The following ITPRID2 variants were observed in gnomAD, a reference collection of about 807,000 sequenced individuals.
The protein encoded by ITPRID2 is protein ITPRID2.
Under a neutral mutation model 124.3 loss-of-function variants are expected in ITPRID2, and 60 were observed. The observed-to-expected ratio is 0.48, with a 90% CI of 0.39 to 0.60. The LOEUF (loss-of-function observed/expected upper bound fraction) is 0.60. ITPRID2 is among the 20% of genes least tolerant of loss of function. ITPRID2 has a pLI of 0.00. For missense variants in ITPRID2, 1,553 were observed against 1,512.2 expected, an observed-to-expected ratio of 1.03 and a Z score of -0.45; for synonymous variants, 521 against 542.9, an observed-to-expected ratio of 0.96 and a Z score of 0.56.
In ITPRID2 at chr2:181,922,072, A is replaced by G; in HGVS notation, c.3335A>G (p.Glu1112Gly). The change falls in exon 16 of 18, where the codon GAA becomes GGA. Residue 1112 changes from glutamate to glycine, a missense_variant. Coordinates refer to ENST00000431877, the MANE Select transcript of ITPRID2 (RefSeq NM_001130445.3). ...SESVFSQATSESSSVCSGPSH... is the reference protein window; with the variant it reads ...SESVFSQATSGSSSVCSGPSH... ...TCTGTTTTTTCCCAAGCAACATCAG[A>G]ATCATCTTCTGTATGTTCTGGTCCC... The G allele has an allele frequency of 6.2e-7, 1 of 1,614,252 alleles. No homozygotes were observed. Among genetic ancestry groups the G allele is most frequent in the Non-Finnish European group, 8.5e-7 (1 of 1,180,048 alleles).
intron 11 of ITPRID2, chr2:181,917,676 C>T (rs978193640): frequency 1.3e-5 from 2 of 152,446 alleles, no homozygotes; most frequent in African/African-American, 2.4e-5. Context: ...GATGTGGTCT[C>T]TGACTATCTC....
intron 2 of ITPRID2, chr2:181,893,423 C>T (rs1449007575): frequency 2.0e-5 from 3 of 152,080 alleles, no homozygotes; most frequent in African/African-American, 7.2e-5. Context: ...TTTTTGCTTT[C>T]TCAATTTAGA....
At position 181,905,932 on chromosome 2, in the gene ITPRID2, T is replaced by C. The variant is rs1225677413; in HGVS notation, c.1413+3466T>C. On this transcript the variant is annotated intron_variant, in intron 8 of 17. Coordinates refer to ENST00000431877, the MANE Select transcript of ITPRID2 (RefSeq NM_001130445.3). The surrounding 1 kb of genome is among the most constrained non-coding windows in gnomAD (Gnocchi z 4.1). ...CTGCCCTGGAATATGAACTCTAACATATGACATGCACAGATATCTGCTACT... is the reference window on the plus strand; with the variant it reads ...CTGCCCTGGAATATGAACTCTAACACATGACATGCACAGATATCTGCTACT... Among the ~76,000 whole-genome samples the C allele has an allele frequency of 6.6e-6, 1 of 152,216 alleles. No individual in the cohort carries two copies. Among genetic ancestry groups the C allele is most frequent in the Non-Finnish European group, 1.5e-5 (1 of 68,030 alleles).
At chr2:181,922,753 A>G (rs1694571491) in intron 16 of ITPRID2, among the ~76,000 whole-genome samples, 1 of 152,068 alleles carries the variant, frequency 6.6e-6, no homozygotes, top group African/African-American at 2.4e-5. Context: ...GATCTCTTCG[A>G]GGATTAAAAA....
intron 14 of ITPRID2, among the ~76,000 whole-genome samples, chr2:181,920,072 G>A (rs1694371775): frequency 6.6e-6 from 1 of 151,876 alleles, no homozygotes; most frequent in Non-Finnish European, 1.5e-5. Flanking sequence ...TATTATTTTT[G>A]CAAATATCTT....
In ITPRID2 at chr2:181,910,066, G is replaced by A; in HGVS notation, c.1486+95G>A. 1.8e-5 allele frequency: 17 copies of A among 929,740 alleles called. No homozygotes were observed. Among genetic ancestry groups the A allele is most frequent in the Non-Finnish European group, 2.8e-5 (17 of 610,678 alleles). 57.6% of individuals were successfully genotyped at this position (929,740 alleles called of 1,614,324 possible). The stretch of plus-strand genomic sequence containing the variant: ...ATGTATCAGTATTTGTAGTATTTAT[G>A]AGTGTGAAAAGGCAAAGAACACACA... On this transcript the variant is annotated intron_variant, in intron 9 of 17. Coordinates refer to ENST00000431877, the MANE Select transcript of ITPRID2 (RefSeq NM_001130445.3). The surrounding 1 kb of genome is among the most constrained non-coding windows in gnomAD (Gnocchi z 4.1).
intron 6 of ITPRID2, among the ~76,000 whole-genome samples, chr2:181,899,597 G>A (rs1260770600): frequency 6.6e-6 from 1 of 152,192 alleles, no homozygotes; most frequent in Non-Finnish European, 1.5e-5. Flanking sequence ...GTGCTTTGGA[G>A]TGTCAAAGTG....
chr2:181,899,603 A>G (rs971875606), intron 6 of ITPRID2, among the ~76,000 whole-genome samples: 1 of 152,216 alleles, frequency 6.6e-6, no homozygotes, highest in African/African-American at 2.4e-5. Flanking sequence ...TGGAGTGTCA[A>G]AGTGGGTGGA....
In ITPRID2 at chr2:181,902,403, A is replaced by C. The variant is rs1364425859; in HGVS notation, c.1350A>C (p.Pro450=). ...ISTPEKEPCA[P]LTIPSIRNIM... ...CACCTGAAAAAGAGCCTTGTGCACC[A>C]CTGACAATACCATCCATAAGAAATA... Residue 450 remains proline (P), a synonymous_variant, in exon 8 of 18, where the codon CCA becomes CCC. Transcript: ENST00000431877. This position sits in a 1 kb window ranked among gnomAD's most constrained non-coding sequence, Gnocchi z 4.4. The C allele has an allele frequency of 1.2e-6, 2 of 1,611,270 alleles. No homozygotes were observed. Among genetic ancestry groups the C allele is most frequent in the Admixed American group, 3.4e-5 (2 of 59,410 alleles).
intron 10 of ITPRID2, 131 bp downstream of exon 10, chr2:181,914,064 A>T: frequency 1.7e-6 from 1 of 586,948 alleles, no homozygotes; most frequent in Non-Finnish European, 2.9e-6. Context: ...AACTCCTGGC[A>T]TGTAGATGTT....
intron 2 of ITPRID2, chr2:181,894,661 ATAT>A (rs2125059068): frequency 6.6e-6 from 1 of 152,300 alleles, no homozygotes; most frequent in Admixed American, 6.5e-5. Context: ...AGTGCCGTCC[ATAT>A]CCTGAATAAA....
chr2:181,899,873 C>T (rs936832213), intron 6 of ITPRID2, among the ~76,000 whole-genome samples: 8 of 152,156 alleles, frequency 5.3e-5, no homozygotes, highest in Admixed American at 3.9e-4. Flanking sequence ...CTCTCCCGCC[C>T]GCACATATAG....
intron 9 of ITPRID2, among the ~76,000 whole-genome samples, chr2:181,913,483 T>C (rs1693787097): frequency 1.3e-5 from 2 of 152,226 alleles, no homozygotes; most frequent in Non-Finnish European, 1.5e-5. Flanking sequence ...TGGAAATGGT[T>C]TACTTTGGGA....
At chr2:181,916,986 A>G (rs1574280346) in intron 11 of ITPRID2, 5 of 985,884 alleles carry the variant, frequency 5.1e-6, no homozygotes, top group Non-Finnish European at 6.0e-6. Context: ...ACTACTCCAG[A>G]CCAGAAAATA....
intron 16 of ITPRID2, among the ~76,000 whole-genome samples, chr2:181,927,229 A>G (rs928027747): frequency 2.6e-5 from 4 of 152,230 alleles, no homozygotes; most frequent in Non-Finnish European, 4.4e-5. Context: ...AAATAAATCA[A>G]TTTGGCTGAC....
rs1364337777 is a variant in ITPRID2, at chr2:181,929,694, TCAAC to T, written c.*150_*153del. 2.1e-6 allele frequency: 3 copies of T among 1,407,656 alleles called. No individual in the cohort carries two copies. The highest frequency in any genetic ancestry group is 2.4e-5 in the East Asian group (1 of 41,916). 87.2% of individuals were successfully genotyped at this position (1,407,656 alleles called of 1,614,324 possible). A position where few individuals can be genotyped will look rare whatever the true frequency, so the allele number is the denominator to read the frequency against. On this transcript the variant is annotated 3_prime_UTR_variant, in exon 18 of 18. Transcript: ENST00000431877. ...TATACAGTGTACAATGTGTATTTCT[TCAAC>T]CATATATTTTAAAAAGACGTACATA... is the stretch of plus-strand genomic sequence containing the variant.
At chr2:181,912,739 C>T (rs572508696) in intron 9 of ITPRID2, among the ~76,000 whole-genome samples, 1 of 152,308 alleles carries the variant, frequency 6.6e-6, no homozygotes, top group Admixed American at 6.5e-5. Context: ...AAGAACTGTA[C>T]AGTCTCTCCC....
rs1362566865 is a variant in ITPRID2, at chr2:181,919,922, C to CAT, written c.3144+484_3144+485dup. Among the ~76,000 whole-genome samples the CAT allele has an allele frequency of 2.0e-5, 3 of 151,554 alleles. No individual in the cohort carries two copies. The highest frequency in any genetic ancestry group is 2.9e-5 in the Non-Finnish European group (2 of 67,894). ...CAAATGATACCTGTATATTTTCATA[C>CAT]ATATATATACATACACATACATATA... On this transcript the variant is annotated intron_variant, in intron 14 of 17. Transcript: ENST00000431877. This position sits in a 1 kb window ranked among gnomAD's most constrained non-coding sequence, Gnocchi z 4.2.
intron 16 of ITPRID2, 65 bp downstream of exon 16, chr2:181,922,477 T>A (rs1574300385): frequency 7.4e-7 from 1 of 1,345,080 alleles, no homozygotes; most frequent in East Asian, 2.5e-5. Flanking sequence ...TTTGTCTGAA[T>A]ATTAATTATT....
Sources: allele counts gnomAD v4.1 joint callset (sites outside exome capture counted in the v4.1 genomes callset), GRCh38; gene constraint gnomAD v4.1.1; non-coding constraint Gnocchi (gnomAD v3.1); transcripts MANE v1.5; gene names NCBI Gene and HGNC (gene_info 2026-07-23, HGNC 2026-07-21).